GP5: variants seen among roughly 807,000 people sequenced by gnomAD.
The protein encoded by GP5 is platelet glycoprotein V.
For synonymous variants in GP5, 382 were observed against 353.9 expected, an observed-to-expected ratio of 1.08 and a Z score of -0.89; for missense variants, 755 against 737.1, an observed-to-expected ratio of 1.02 and a Z score of -0.28.
Position 194,396,566 on chromosome 3 carries a change from A to G in GP5, c.*34T>C. The stretch of plus-strand genomic sequence containing the variant: ...ATTCCCCTCCGAGCCACATCTGGTC[A>G]GGTTCTAAGTAATTAGAAGATTTTC... On this transcript the variant is annotated 3_prime_UTR_variant, in exon 2 of 2. Coordinates refer to ENST00000692618, the MANE Select transcript of GP5 (RefSeq NM_004488.2). The G allele has an allele frequency of 6.5e-7, 1 of 1,548,846 alleles. No individual in the cohort carries two copies. The highest frequency in any genetic ancestry group is 1.2e-5 in the South Asian group (1 of 80,452).
At chr3:194,398,333 C>T (rs1169324026) in intron 1 of GP5, 49 bp from the exon 2 acceptor site, 1 of 1,505,034 alleles carries the variant, frequency 6.6e-7, no homozygotes, top group Middle Eastern at 1.7e-4. Context: ...AGCGTTCGCG[C>T]CTGTACTGAA....
intron 1 of GP5, among the ~76,000 whole-genome samples, 94 bp downstream of exon 1, chr3:194,399,144 T>C (rs1014138159): frequency 2.6e-5 from 4 of 152,228 alleles, no homozygotes; most frequent in African/African-American, 9.6e-5. Flanking sequence ...AAATTTTACA[T>C]AAATTGCTTC....
chr3:194,399,035 AT>A (rs1560057966), intron 1 of GP5, among the ~76,000 whole-genome samples: 1 of 147,394 alleles, frequency 6.8e-6, no homozygotes, highest in Non-Finnish European at 1.5e-5. Context: ...AAGAGCTACT[AT>A]TTCTAAGATG....
At position 194,398,240 on chromosome 3, in the gene GP5, G is replaced by A. The variant is rs1577011884; in HGVS notation, c.43C>T (p.Arg15Cys). ...TLLCAVLGLL[R>C]AQPFPCPPAC... ...GGCGGACAGGGGAAGGGCTGGGCGC[G>A]CAGAAGCCCGAGCACCGCGCACAGT... The change falls in exon 2 of 2, where the codon CGC becomes TGC. Residue 15 changes from arginine (R) to cysteine (C), a missense_variant. Transcript: ENST00000692618. 4 of 1,610,608 alleles carry A rather than the reference G, an allele frequency of 2.5e-6. No homozygotes were observed. The highest frequency in any genetic ancestry group is 3.4e-6 in the Non-Finnish European group (4 of 1,178,496).
At chr3:194,398,323 A>T (rs1210872626) in intron 1 of GP5, 39 bp from the exon 2 acceptor site, 2 of 1,526,866 alleles carry the variant, frequency 1.3e-6, no homozygotes, top group Non-Finnish European at 1.8e-6. Context: ...AACACACAGG[A>T]GCGTTCGCGC....
chr3:194,397,730 G>A lies in GP5; in HGVS notation c.553C>T (p.Leu185=). The A allele has an allele frequency of 6.2e-7, 1 of 1,613,942 alleles. No homozygotes were observed. The highest frequency in any genetic ancestry group is 8.5e-7 in the Non-Finnish European group (1 of 1,179,890). ...LDLSGNNLTH[L]PKGLLGAQAK... ...TGTGCTCCAAGCAACCCCTTGGGCA[G>A]GTGGGTCAGGTTGTTTCCCGATAAA... The change falls in exon 2 of 2, where the codon CTG becomes TTG. Residue 185 remains leucine (L), a synonymous_variant. Coordinates refer to ENST00000692618, the MANE Select transcript of GP5 (RefSeq NM_004488.2). The surrounding 1 kb of genome is among the most constrained non-coding windows in gnomAD (Gnocchi z 7.2).
At position 194,396,669 on chromosome 3, in the gene GP5, G is replaced by T. The variant is rs1714466409; in HGVS notation, c.1614C>A (p.Ile538=). The change falls in exon 2 of 2, where the codon ATC becomes ATA. Residue 538 remains isoleucine, a synonymous_variant. Coordinates refer to ENST00000692618, the MANE Select transcript of GP5 (RefSeq NM_004488.2). ...CAATTTTAATCATAGCAAACACGAT[G>T]ATCACGGTGATCATGGCCTGAACAG... ...LLAVQAMITV[I]IVFAMIKIGQ... is the part of the protein sequence containing the mutation. 3 of 1,613,194 alleles carry T rather than the reference G, an allele frequency of 1.9e-6. No homozygotes were observed. The highest frequency in any genetic ancestry group is 2.5e-6 in the Non-Finnish European group (3 of 1,179,292).
chr3:194,398,127 G>A lies in GP5; in HGVS notation c.156C>T (p.Leu52=), dbSNP rs560286404. 5.6e-5 allele frequency: 90 copies of A among 1,613,444 alleles called. No individual in the cohort carries two copies. The East Asian group carries it at 1.0e-3, about 18-fold the overall frequency. ...RISALGLPTN[L]THILLFGMGR... is the part of the protein sequence containing the mutation. Reference sequence around the variant, plus strand: ...CCATTCCGAAGAGCAGGATGTGCGTGAGGTTGGTGGGCAGGCCTAGCGCGG... The same window carrying A: ...CCATTCCGAAGAGCAGGATGTGCGTAAGGTTGGTGGGCAGGCCTAGCGCGG... Residue 52 remains leucine (L), a synonymous_variant, in exon 2 of 2, where the codon CTC becomes CTT. Transcript: ENST00000692618.
chr3:194,398,149 G>A lies in GP5; in HGVS notation c.134C>T (p.Ala45Val), dbSNP rs186532879. The A allele has an allele frequency of 2.1e-5, 34 of 1,612,826 alleles. No individual in the cohort carries two copies. Among genetic ancestry groups the A allele is most frequent in the Non-Finnish European group, 2.8e-5 (33 of 1,179,742 alleles). Residue 45 changes from alanine to valine, a missense_variant, in exon 2 of 2, where the codon GCG becomes GTG. Coordinates refer to ENST00000692618, the MANE Select transcript of GP5 (RefSeq NM_004488.2). The stretch of plus-strand genomic sequence containing the variant: ...CGTGAGGTTGGTGGGCAGGCCTAGC[G>A]CGGAGATGCGCGCCACGTCGCCCCC... ...CSGGDVARIS[A>V]LGLPTNLTHI...
Position 194,397,482 on chromosome 3 carries a change from A to T in GP5, c.801T>A (p.Asn267Lys). The change falls in exon 2 of 2, where the codon AAT (asparagine) becomes AAA (lysine). Residue 267 changes from asparagine to lysine, a missense_variant. By Grantham distance (94) the Asn-to-Lys change is moderately conservative. Transcript: ENST00000692618. This position sits in a 1 kb window ranked among gnomAD's most constrained non-coding sequence, Gnocchi z 7.2. ...TCTCGAACAGAGTCAACAGAGTCAG[A>T]TTGTGCGAATGAAGAAAGAGCGCAG... The part of the protein sequence containing the change: ...LPSALFLHSH[N>K]LTLLTLFENP... 1 of 1,613,856 alleles carries T rather than the reference A, an allele frequency of 6.2e-7. No individual in the cohort carries two copies. The highest frequency in any genetic ancestry group is 8.5e-7 in the Non-Finnish European group (1 of 1,179,978).
In GP5 at chr3:194,397,669, C is replaced by T. The variant is rs758214797; in HGVS notation, c.614G>A (p.Arg205His). The change falls in exon 2 of 2, where the codon CGC (arginine) becomes CAC (histidine). Residue 205 changes from arginine to histidine, a missense_variant. Arg to His is a conservative substitution (Grantham distance 29). Coordinates refer to ENST00000692618, the MANE Select transcript of GP5 (RefSeq NM_004488.2). The surrounding 1 kb of genome is among the most constrained non-coding windows in gnomAD (Gnocchi z 7.2). The stretch of plus-strand genomic sequence containing the variant: ...CAGCCCCGAATCCAGAGACACAAGG[C>T]GGTTCGAGTGGAGCAGAAGTCTCTC... Reference protein sequence around the residue: ...KLERLLLHSNRLVSLDSGLLN... With the variant: ...KLERLLLHSNHLVSLDSGLLN... The T allele has an allele frequency of 4.2e-5, 67 of 1,614,006 alleles. No individual in the cohort carries two copies. Among genetic ancestry groups the T allele is most frequent in the Non-Finnish European group, 5.5e-5 (65 of 1,180,018 alleles).
In GP5 at chr3:194,397,978, G is replaced by A. The variant is rs1202740841; in HGVS notation, c.305C>T (p.Thr102Ile). The change falls in exon 2 of 2, where the codon ACC (threonine) becomes ATC (isoleucine). Residue 102 changes from threonine to isoleucine, a missense_variant. Physicochemically the swap from Thr to Ile is moderately conservative, Grantham distance 89. Coordinates refer to ENST00000692618, the MANE Select transcript of GP5 (RefSeq NM_004488.2). The surrounding 1 kb of genome is among the most constrained non-coding windows in gnomAD (Gnocchi z 7.2). ...GTFSDLIKLK[T>I]LRLSRNKITH... ...GATTTTGTTGCGCGACAGCCTCAGG[G>A]TTTTCAGTTTTATCAGGTCACTGAA... 1.2e-6 allele frequency: 2 copies of A among 1,614,162 alleles called. No homozygotes were observed. Among genetic ancestry groups the A allele is most frequent in the African/African-American group, 1.3e-5 (1 of 75,058 alleles).
chr3:194,396,449 A>G lies in GP5; in HGVS notation c.*151T>C. 1.6e-6 allele frequency: 1 copy of G among 616,342 alleles called. No individual in the cohort carries two copies. Among genetic ancestry groups the G allele is most frequent in the Non-Finnish European group, 2.8e-6 (1 of 352,344 alleles). 38.2% of individuals were successfully genotyped at this position (616,342 alleles called of 1,614,324 possible). On this transcript the variant is annotated 3_prime_UTR_variant, in exon 2 of 2. Coordinates refer to ENST00000692618, the MANE Select transcript of GP5 (RefSeq NM_004488.2). ...AGAGCACAGAGCGGAGAGGGGGAGG[A>G]GGAGGGAAAGGAAGGCGTGGCAGTG...
rs145481862 is a variant in GP5 at position 194,397,564 on chromosome 3, C to T, written c.719G>A (p.Arg240Gln). ...CGTCAAAGAACTGAGGTTTGGGAGC[C>T]GGTCGAAGGCCCCGGGTGCGATGGA... Reference protein sequence around the residue: ...IRSIAPGAFDRLPNLSSLTLS... With the variant: ...IRSIAPGAFDQLPNLSSLTLS... Residue 240 changes from arginine (R) to glutamine (Q), a missense_variant, in exon 2 of 2, where the codon CGG becomes CAG. By Grantham distance (43) the Arg-to-Gln change is conservative (BLOSUM62 1). Coordinates refer to ENST00000692618, the MANE Select transcript of GP5 (RefSeq NM_004488.2). This position sits in a 1 kb window ranked among gnomAD's most constrained non-coding sequence, Gnocchi z 7.2. 196 of 1,613,946 alleles carry T rather than the reference C, an allele frequency of 1.2e-4. 1 individual carries two copies. Among genetic ancestry groups the T allele is most frequent in the Middle Eastern group, 1.6e-4 (1 of 6,084 alleles).
intron 1 of GP5, among the ~76,000 whole-genome samples, chr3:194,398,841 C>A (rs933035651): frequency 6.6e-6 from 1 of 152,200 alleles, no homozygotes; most frequent in African/African-American, 2.4e-5. Context: ...TAATACCTAT[C>A]ACTTTACGCC....
In GP5 at chr3:194,398,003, A is replaced by C; in HGVS notation, c.280T>G (p.Phe94Val). ...GTTTTCAGTTTTATCAGGTCACTGA[A>C]GGTGCCGGGGGCAACGGCGGAAATG... ...SHISAVAPGT[F>V]SDLIKLKTLR... Residue 94 changes from phenylalanine (F) to valine (V), a missense_variant, in exon 2 of 2, where the codon TTC becomes GTC. Coordinates refer to ENST00000692618, the MANE Select transcript of GP5 (RefSeq NM_004488.2). 1 of 1,614,142 alleles carries C rather than the reference A, an allele frequency of 6.2e-7. No individual in the cohort carries two copies. The highest frequency in any genetic ancestry group is 8.5e-7 in the Non-Finnish European group (1 of 1,179,986).
chr3:194,397,645 A>G lies in GP5; in HGVS notation c.638T>C (p.Leu213Pro), dbSNP rs777537024. ...SNRLVSLDSG[L>P]LNSLGALTEL... ...CGTCAGGGCGCCCAGGCTGTTCAAC[A>G]GCCCCGAATCCAGAGACACAAGGCG... is the stretch of plus-strand genomic sequence containing the variant. The change falls in exon 2 of 2, where the codon CTG becomes CCG. Residue 213 changes from leucine to proline, a missense_variant. Physicochemically the swap from Leu to Pro is moderately conservative, Grantham distance 98. Transcript: ENST00000692618. The surrounding 1 kb of genome is among the most constrained non-coding windows in gnomAD (Gnocchi z 7.2). 15 of 1,614,152 alleles carry G rather than the reference A, an allele frequency of 9.3e-6. No homozygotes were observed. The highest frequency in any genetic ancestry group is 1.2e-5 in the Non-Finnish European group (14 of 1,180,002).
In GP5 at chr3:194,396,530, A is replaced by T. The variant is rs1056353991; in HGVS notation, c.*70T>A. On this transcript the variant is annotated 3_prime_UTR_variant, in exon 2 of 2. Transcript: ENST00000692618. ...GGGAGGGGAGGGAGAGCAAGACAGCAGCGGGTCTGGATTCCCCTCCGAGCC... is the reference window on the plus strand; with the variant it reads ...GGGAGGGGAGGGAGAGCAAGACAGCTGCGGGTCTGGATTCCCCTCCGAGCC... 1.1e-5 allele frequency: 14 copies of T among 1,280,116 alleles called. No individual in the cohort carries two copies. The East Asian group carries it at 3.4e-4, about 31-fold the overall frequency. 79.3% of individuals were successfully genotyped at this position (1,280,116 alleles called of 1,614,324 possible). A position where few individuals can be genotyped will look rare whatever the true frequency, so the allele number is the denominator to read the frequency against.
rs1432866711 is a variant in GP5 at position 194,397,285 on chromosome 3, C to T, written c.998G>A (p.Gly333Asp). Residue 333 changes from glycine to aspartate, a missense_variant, in exon 2 of 2, where the codon GGC (glycine) becomes GAC (aspartate). Physicochemically the swap from Gly to Asp is moderately conservative, Grantham distance 94. Transcript: ENST00000692618. The surrounding 1 kb of genome is among the most constrained non-coding windows in gnomAD (Gnocchi z 7.2). ...GAGCTCGCCAAGGCCCTGGAAGGCG[C>T]CCTGCGGAAGCGCGCTCAGCCGCGG... ...LSPRLSALPQ[G>D]AFQGLGELQV... 1 of 1,581,114 alleles carries T rather than the reference C, an allele frequency of 6.3e-7. No individual in the cohort carries two copies. The highest frequency in any genetic ancestry group is 8.5e-7 in the Non-Finnish European group (1 of 1,171,314).
Sources: gnomAD v4.1 joint callset for allele counts (sites outside exome capture counted in the v4.1 genomes callset) on GRCh38, gnomAD v4.1.1 for gene constraint, Gnocchi (gnomAD v3.1) non-coding constraint, MANE v1.5 for transcripts, NCBI Gene and HGNC (gene_info 2026-07-23, HGNC 2026-07-21) for gene names.